DDAH1: variants seen among roughly 807,000 people sequenced by gnomAD.
The protein encoded by DDAH1 is N(G),N(G)-dimethylarginine dimethylaminohydrolase 1.
A neutral mutation model predicts 28.8 loss-of-function variants in DDAH1; 19 were observed. The ratio of observed to expected loss-of-function variants is 0.66; its 90% CI spans 0.46 to 0.97. DDAH1 has a LOEUF of 0.97. DDAH1 is among the 50% of genes least tolerant of loss of function. The probability of loss-of-function intolerance (pLI) is 0.00; values close to 1 mark genes in which losing one functional copy is unlikely to be tolerated. For missense variants in DDAH1, 326 were observed against 375.9 expected, an observed-to-expected ratio of 0.87 and a Z score of 1.10; for synonymous variants, 153 against 154.4, an observed-to-expected ratio of 0.99 and a Z score of 0.07.
intron 1 of DDAH1, among the ~76,000 whole-genome samples, chr1:85,419,895 T>A (rs1221118223): frequency 6.6e-6 from 1 of 152,230 alleles, no homozygotes; most frequent in African/African-American, 2.4e-5. Context: ...TTTTGTAGAA[T>A]GTCCCTCAAG....
chr1:85,500,114 TTTTCTTTCTTTCTTTCTTTC>T (rs199804690), intron 1 of DDAH1, among the ~76,000 whole-genome samples: 34,698 of 129,534 alleles, frequency 0.27, 4,548 homozygotes, highest in East Asian at 0.47. Flanking sequence ...CTTTCTTTTC[TTTTCTTTCTTTCTTTCTTTC>T]TTTCTTTCTT....
intron 2 of DDAH1, among the ~76,000 whole-genome samples, chr1:85,483,247 A>T (rs1656072966): frequency 6.6e-6 from 1 of 150,550 alleles, no homozygotes; most frequent in Non-Finnish European, 1.5e-5. Flanking sequence ...CTTAAAAAAT[A>T]ACATTCCCCT....
intron 1 of DDAH1, among the ~76,000 whole-genome samples, chr1:85,405,695 A>G (rs1170340262): frequency 6.6e-6 from 1 of 152,126 alleles, no homozygotes; most frequent in Non-Finnish European, 1.5e-5. Context: ...GTTGGAATAC[A>G]AGTCTTGAGA....
chr1:85,458,159 G>A (rs1654980871), intron 1 of DDAH1, among the ~76,000 whole-genome samples: 1 of 152,144 alleles, frequency 6.6e-6, no homozygotes, highest in Non-Finnish European at 1.5e-5. Flanking sequence ...ACTAAGTCGG[G>A]TTCTTGTCCA....
chr1:85,420,447 A>G (rs906943235), intron 1 of DDAH1, among the ~76,000 whole-genome samples: 2 of 152,216 alleles, frequency 1.3e-5, no homozygotes, highest in African/African-American at 4.8e-5. Flanking sequence ...ACCAGGGCAC[A>G]TCTGGAGCAC....
chr1:85,394,794 A>T (rs1651728329), intron 1 of DDAH1, among the ~76,000 whole-genome samples: 1 of 149,350 alleles, frequency 6.7e-6, no homozygotes, highest in South Asian at 2.3e-4. Context: ...TAGTTTCAAA[A>T]ATCTCAAAGT....
rs1292283046 is a variant in DDAH1, at chr1:85,464,981, G to A, written c.65C>T (p.Pro22Leu). The A allele has an allele frequency of 2.1e-6, 3 of 1,442,970 alleles. No homozygotes were observed. The highest frequency in any genetic ancestry group is 1.5e-5 in the African/African-American group (1 of 68,332). The allele number at this position is 1,442,970 out of a possible 1,614,324, so 89.4% of individuals were successfully genotyped here. The change falls in exon 1 of 6, where the codon CCC becomes CTC. Residue 22 changes from proline (P) to leucine (L), a missense_variant. Pro to Leu is a moderately conservative substitution (Grantham distance 98, BLOSUM62 -3). Transcript: ENST00000284031. This position sits in a 1 kb window ranked among gnomAD's most constrained non-coding sequence, Gnocchi z 4.4. ...CAGCGCGTGCTGGCCGAGCGACTCGGGTAGCGCCCGCACCACGGCGTGGGT... is the reference window on the plus strand; with the variant it reads ...CAGCGCGTGCTGGCCGAGCGACTCGAGTAGCGCCCGCACCACGGCGTGGGT... ...RATHAVVRAL[P>L]ESLGQHALRS...
chr1:85,382,805 A>C (rs933512472), intron 1 of DDAH1, among the ~76,000 whole-genome samples: 2 of 152,212 alleles, frequency 1.3e-5, no homozygotes, highest in Non-Finnish European at 1.5e-5. Context: ...AATAATGCTA[A>C]ATTGACTCTG....
chr1:85,444,009 T>C (rs144435771), intron 1 of DDAH1, among the ~76,000 whole-genome samples: 1,636 of 152,292 alleles, frequency 0.011, 15 homozygotes, highest in Middle Eastern at 0.058. Flanking sequence ...CCTTTATTTC[T>C]TTCTCCTGCC....
chr1:85,410,672 T>C (rs17127199), intron 1 of DDAH1, among the ~76,000 whole-genome samples: 17,803 of 151,248 alleles, frequency 0.12, 1,125 homozygotes, highest in East Asian at 0.24. Flanking sequence ...AGGTTAACAT[T>C]GAATATTCTG....
Position 85,485,309 on chromosome 1 carries a change from G to GT in DDAH1, c.-7+10856dup, listed in dbSNP as rs947878047. Among the ~76,000 whole-genome samples, 12 of 151,566 alleles carry GT rather than the reference G, an allele frequency of 7.9e-5. No homozygotes were observed. The South Asian group carries it at 1.5e-3, about 18-fold the overall frequency. The stretch of plus-strand genomic sequence containing the variant: ...ACAAATAAAAGAGTTAGCTTAGGTA[G>GT]TTTTTTTTTAAATGAGTAAAGAGGC... On this transcript the variant is annotated intron_variant, in intron 2 of 6. Coordinates refer to the DDAH1 transcript ENST00000426972.
intron 2 of DDAH1, among the ~76,000 whole-genome samples, chr1:85,481,672 T>G (rs1557678665): frequency 6.6e-6 from 1 of 152,352 alleles, no homozygotes; most frequent in African/African-American, 2.4e-5. Context: ...GTACTTTTCT[T>G]CCTAGAGGCA....
At chr1:85,423,041 G>A (rs2100617731) in intron 1 of DDAH1, among the ~76,000 whole-genome samples, 1 of 152,298 alleles carries the variant, frequency 6.6e-6, no homozygotes, top group Admixed American at 6.5e-5. Context: ...AGCAGATTAG[G>A]AGAAATGGCT....
At chr1:85,427,202 T>C (rs1391083920) in intron 1 of DDAH1, among the ~76,000 whole-genome samples, 2 of 151,570 alleles carry the variant, frequency 1.3e-5, no homozygotes, top group African/African-American at 4.9e-5. Context: ...CGCTACTAAG[T>C]TCCACAATGT....
At chr1:85,484,906 A>G (rs757889124) in intron 2 of DDAH1, among the ~76,000 whole-genome samples, 28 of 152,182 alleles carry the variant, frequency 1.8e-4, no homozygotes, top group Non-Finnish European at 3.8e-4. Context: ...TAAGGGACAC[A>G]TGTACTCTGA....
intron 1 of DDAH1, among the ~76,000 whole-genome samples, chr1:85,437,175 G>T (rs555544758): frequency 3.3e-5 from 5 of 152,282 alleles, no homozygotes; most frequent in Admixed American, 3.3e-4. Context: ...ACATGAACAT[G>T]GAGGAAGCCT....
At chr1:85,549,483 A>G (rs758469298) in intron 1 of DDAH1, among the ~76,000 whole-genome samples, 24 of 152,268 alleles carry the variant, frequency 1.6e-4, no homozygotes, top group Non-Finnish European at 2.6e-4. Context: ...CTTGTGTTAG[A>G]TGTAGACTTC....
chr1:85,348,399 A>T (rs1648996959), intron 4 of DDAH1, among the ~76,000 whole-genome samples: 1 of 152,088 alleles, frequency 6.6e-6, no homozygotes, highest in African/African-American at 2.4e-5. Context: ...CTCCTCAAAG[A>T]CCCAGATTGC....
In DDAH1 at chr1:85,412,251, G is replaced by A. The variant is rs149489818; in HGVS notation, c.303+52492C>T. On this transcript the variant is annotated intron_variant, in intron 1 of 5. Coordinates refer to ENST00000284031, the MANE Select transcript of DDAH1 (RefSeq NM_012137.4). ...CTTGAGTCGGAGTCTACTATGTCAT[G>A]CTAGAGGCTCTAACGCTATTTGTTA... Among the ~76,000 whole-genome samples, 718 of 152,334 alleles carry A rather than the reference G, an allele frequency of 4.7e-3. 2 individuals are homozygous for A. Among genetic ancestry groups the A allele is most frequent in the African/African-American group, 0.017 (689 of 41,572 alleles).
Sources: gnomAD v4.1 joint callset for allele counts (sites outside exome capture counted in the v4.1 genomes callset) on GRCh38, gnomAD v4.1.1 for gene constraint, Gnocchi (gnomAD v3.1) non-coding constraint, MANE v1.5 for transcripts, NCBI Gene and HGNC (gene_info 2026-07-23, HGNC 2026-07-21) for gene names.